The following DERL2 variants were observed in gnomAD, a reference collection of about 807,000 sequenced individuals.
DERL2 encodes derlin-2.
In DERL2, 13 loss-of-function variants were observed where a neutral mutation model predicts 32.0. The ratio of observed to expected loss-of-function variants is 0.41; its 90% confidence interval spans 0.26 to 0.65. DERL2 has a LOEUF of 0.65. Ranked by LOEUF, DERL2 falls within the 30% of genes least tolerant of loss-of-function variation. The probability of loss-of-function intolerance (pLI) is 0.35; values close to 1 mark genes in which losing one functional copy is unlikely to be tolerated. For missense variants in DERL2, 208 were observed against 296.3 expected (o/e 0.70, Z 2.19); for synonymous variants, 111 against 104.7 (o/e 1.06, Z -0.37).
intron 2 of DERL2, 72 bp downstream of exon 2, chr17:5,485,079 C>A: frequency 8.8e-7 from 1 of 1,130,460 alleles, no homozygotes; most frequent in Non-Finnish European, 1.3e-6. Context: ...TAGTGTATAA[C>A]AGGATTTGCT....
chr17:5,475,994 C>T (rs562272635), intron 6 of DERL2, among the ~76,000 whole-genome samples: 95 of 152,042 alleles, frequency 6.2e-4, no homozygotes, highest in African/African-American at 2.2e-3. Flanking sequence ...GTGATGGCAG[C>T]AAAACAGTAT....
intron 6 of DERL2, 127 bp downstream of exon 6, chr17:5,479,927 C>G: frequency 3.2e-6 from 2 of 616,030 alleles, no homozygotes; most frequent in Non-Finnish European, 5.7e-6. Flanking sequence ...AGCCAGAATG[C>G]TCAATCTGCA....
chr17:5,479,731 C>A (rs1905646599), intron 6 of DERL2, among the ~76,000 whole-genome samples: 1 of 152,140 alleles, frequency 6.6e-6, no homozygotes, highest in Non-Finnish European at 1.5e-5. Flanking sequence ...CATTTTGCTA[C>A]CTTACTTCAC....
chr17:5,479,666 C>T (rs1352394039), intron 6 of DERL2, among the ~76,000 whole-genome samples: 1 of 152,178 alleles, frequency 6.6e-6, no homozygotes, highest in East Asian at 1.9e-4. Context: ...CTTATCTCAA[C>T]CACCTGCTTG....
At position 5,472,338 on chromosome 17, in the gene DERL2, G is replaced by A. The variant is rs1391227130; in HGVS notation, c.*2346C>T. 6.6e-6 allele frequency: 1 copy of A among 152,236 alleles called. No homozygotes were observed. The highest frequency in any genetic ancestry group is 6.5e-5 in the Admixed American group (1 of 15,292). 9.4% of individuals were successfully genotyped at this position (152,236 alleles called of 1,614,324 possible). A position where few individuals can be genotyped will look rare whatever the true frequency, so the allele number is the denominator to read the frequency against. On this transcript the variant is annotated 3_prime_UTR_variant, in exon 7 of 7. Transcript: ENST00000158771. Reference sequence around the variant, plus strand: ...GGGAAGTGTGTTCTGGAAGAACTAAGATTGAGAGGTAAATTGGGGAGAAAG... The same window carrying A: ...GGGAAGTGTGTTCTGGAAGAACTAAAATTGAGAGGTAAATTGGGGAGAAAG...
chr17:5,477,613 G>A (rs977815858), intron 6 of DERL2, among the ~76,000 whole-genome samples: 9 of 152,104 alleles, frequency 5.9e-5, no homozygotes, highest in African/African-American at 2.2e-4. Context: ...AATAAGAATA[G>A]GGAACTATTA....
intron 6 of DERL2, among the ~76,000 whole-genome samples, chr17:5,475,323 G>A (rs140955851): frequency 0.028 from 4,239 of 150,606 alleles, 84 homozygotes; most frequent in Non-Finnish European, 0.042. Context: ...GCCATGGTGC[G>A]ATCTCGGCTC....
intron 2 of DERL2, among the ~76,000 whole-genome samples, chr17:5,484,619 A>G (rs2151710115): frequency 6.6e-6 from 1 of 152,310 alleles, no homozygotes; most frequent in African/African-American, 2.4e-5. Flanking sequence ...ATAGCTTTAG[A>G]TGTTTGGAAT....
In DERL2 at chr17:5,472,043, GA is replaced by G. The variant is rs1222629067; in HGVS notation, c.*2640del. 2 of 152,140 alleles carry G rather than the reference GA, an allele frequency of 1.3e-5. No homozygotes were observed. The highest frequency in any genetic ancestry group is 4.8e-5 in the African/African-American group (2 of 41,414). The allele number at this position is 152,140 out of a possible 1,614,324, so 9.4% of individuals were successfully genotyped here. A position where few individuals can be genotyped will look rare whatever the true frequency, so the allele number is the denominator to read the frequency against. On this transcript the variant is annotated 3_prime_UTR_variant, in exon 7 of 7. Transcript: ENST00000158771. ...ACACAGAAAAAACAAGAGGAAGAGA[GA>G]AACAAATAGAAATCCATACTGGAAA...
In DERL2 at chr17:5,481,495, C is replaced by A; in HGVS notation, c.234-106G>T. 2.6e-6 allele frequency: 2 copies of A among 774,014 alleles called. No homozygotes were observed. Among genetic ancestry groups the A allele is most frequent in the South Asian group, 1.6e-5 (1 of 63,672 alleles). 47.9% of individuals were successfully genotyped at this position (774,014 alleles called of 1,614,324 possible). ...GGATTCCATATTATTTGTAATTAGTCAAGTCTTCATTTGTATAAGAATGTT... is the reference window on the plus strand; with the variant it reads ...GGATTCCATATTATTTGTAATTAGTAAAGTCTTCATTTGTATAAGAATGTT... On this transcript the variant is annotated intron_variant, in intron 3 of 6. Transcript: ENST00000158771. The surrounding 1 kb of genome is among the most constrained non-coding windows in gnomAD (Gnocchi z 4.4).
At position 5,480,490 on chromosome 17, in the gene DERL2, G is replaced by A. The variant is rs555086289; in HGVS notation, c.420C>T (p.Arg140=). 17 of 1,611,784 alleles carry A rather than the reference G, an allele frequency of 1.1e-5. No individual in the cohort carries two copies. In the South Asian group the frequency reaches 1.9e-4, roughly 18 times the overall value. Residue 140 remains arginine (R), a synonymous_variant, in exon 5 of 7, where the codon CGC becomes CGT. Coordinates refer to ENST00000158771, the MANE Select transcript of DERL2 (RefSeq NM_016041.5). The stretch of plus-strand genomic sequence containing the variant: ...AGTTGAGAAGGCCGAAGAAGTTCAT[G>A]CGGACATAGGGGTTCCTTCGGCTCC... ...YVWSRRNPYV[R]MNFFGLLNFQ... is the part of the protein sequence containing the mutation.
At position 5,486,136 on chromosome 17, in the gene DERL2, T is replaced by C. The variant is rs772555089; in HGVS notation, c.26A>G (p.Glu9Gly). The change falls in exon 1 of 7, where the codon GAG becomes GGG. Residue 9 changes from glutamate to glycine, a missense_variant. Glu to Gly is a moderately conservative substitution (Grantham distance 98). Transcript: ENST00000158771. The stretch of plus-strand genomic sequence containing the variant: ...GCTGACCGGTGGGATCTGCAGGTAC[T>C]CCAGCCGCAAGCTCTGGTACGCCAT... MAYQSLRL[E>G]YLQIPPVSRA... is the part of the protein sequence containing the mutation. 9.3e-6 allele frequency: 15 copies of C among 1,609,068 alleles called. No homozygotes were observed. The highest frequency in any genetic ancestry group is 2.2e-5 in the East Asian group (1 of 44,578).
At chr17:5,477,195 C>G (rs769896371) in intron 6 of DERL2, among the ~76,000 whole-genome samples, 4 of 152,104 alleles carry the variant, frequency 2.6e-5, no homozygotes, top group Non-Finnish European at 5.9e-5. Context: ...CCAATAAATA[C>G]AAGAACACAG....
intron 2 of DERL2, among the ~76,000 whole-genome samples, chr17:5,484,939 T>C (rs1354190432): frequency 1.3e-5 from 2 of 152,220 alleles, no homozygotes; most frequent in Admixed American, 6.5e-5. Context: ...TTGGTACTTG[T>C]TGAGGAGCTT....
In DERL2 at chr17:5,474,388, T is replaced by C. The variant is rs1905262184; in HGVS notation, c.*296A>G. The stretch of plus-strand genomic sequence containing the variant: ...TATCAAGAAGAGGAAGAAAAGGCTC[T>C]GCCTTATACCATAAAAATCAAGTAC... On this transcript the variant is annotated 3_prime_UTR_variant, in exon 7 of 7. Coordinates refer to ENST00000158771, the MANE Select transcript of DERL2 (RefSeq NM_016041.5). This position sits in a 1 kb window ranked among gnomAD's most constrained non-coding sequence, Gnocchi z 4.3. The C allele has an allele frequency of 8.6e-6, 2 of 231,476 alleles. No individual in the cohort carries two copies. Among genetic ancestry groups the C allele is most frequent in the East Asian group, 1.8e-4 (2 of 11,154 alleles). 14.3% of individuals were successfully genotyped at this position (231,476 alleles called of 1,614,324 possible). A position where few individuals can be genotyped will look rare whatever the true frequency, so the allele number is the denominator to read the frequency against.
intron 6 of DERL2, among the ~76,000 whole-genome samples, chr17:5,477,520 C>T (rs1905473056): frequency 6.6e-6 from 1 of 152,116 alleles, no homozygotes; most frequent in Admixed American, 6.6e-5. Context: ...CTGATATGCA[C>T]ACTCAAGTAT....
At chr17:5,476,994 G>A (rs1905433085) in intron 6 of DERL2, among the ~76,000 whole-genome samples, 1 of 152,110 alleles carries the variant, frequency 6.6e-6, no homozygotes. Flanking sequence ...GAGGGTGAGT[G>A]AGATAAGCAA....
chr17:5,486,481 CT>C (rs1906327685), upstream of DERL2: 11 of 267,738 alleles, frequency 4.1e-5, no homozygotes, highest in South Asian at 8.3e-4. Context: ...CGCCCGGCCC[CT>C]TTCTGTCATA....
chr17:5,476,609 C>T (rs999695840), intron 6 of DERL2, among the ~76,000 whole-genome samples: 1 of 152,062 alleles, frequency 6.6e-6, no homozygotes, highest in Admixed American at 6.6e-5. Context: ...TGGCAAAACC[C>T]TATCTCTACT....
Sources: allele counts gnomAD v4.1 joint callset (sites outside exome capture counted in the v4.1 genomes callset), GRCh38; gene constraint gnomAD v4.1.1; non-coding constraint Gnocchi (gnomAD v3.1); transcripts MANE v1.5; gene names NCBI Gene and HGNC (gene_info 2026-07-23, HGNC 2026-07-21).